Variants in PIK3C3 observed in about 807,000 individuals in gnomAD.
PIK3C3 encodes the protein PI3-kinase type 3.
A neutral mutation model predicts 126.1 loss-of-function variants in PIK3C3; 95 were observed. The observed-to-expected ratio is 0.75, with a 90% CI of 0.64 to 0.89. The LOEUF is 0.89. PIK3C3 is among the 40% of genes least tolerant of loss of function. The probability of loss-of-function intolerance (pLI) is 0.00; values close to 1 mark genes in which losing one functional copy is unlikely to be tolerated. For synonymous variants in PIK3C3, 374 were observed against 360.0 expected, an observed-to-expected ratio of 1.04 and a Z score of -0.44; for missense variants, 829 against 1,063.2, an observed-to-expected ratio of 0.78 and a Z score of 3.06.
rs558549651 is a variant in PIK3C3 at position 42,026,332 on chromosome 18, A to G, written c.1485-1111A>G. 4.6e-5 allele frequency: 7 copies of G among 151,528 alleles called. No homozygotes were observed. The South Asian group carries it at 1.5e-3, about 31-fold the overall frequency. 9.4% of individuals were successfully genotyped at this position (151,528 alleles called of 1,614,324 possible). A position where few individuals can be genotyped will look rare whatever the true frequency, so the allele number is the denominator to read the frequency against. On this transcript the variant is annotated intron_variant, in intron 13 of 24. Transcript: ENST00000262039. ...TAAAGTTTCACAGTCTAGCATTTGT[A>G]TTTAAAGAAAAATGAAATAAACAGA...
chr18:41,977,992 C>T (rs562880966), intron 4 of PIK3C3, among the ~76,000 whole-genome samples: 45 of 152,212 alleles, frequency 3.0e-4, no homozygotes, highest in Non-Finnish European at 4.1e-4. Flanking sequence ...GACAGGGTCT[C>T]GCCTTTTTTC....
At chr18:42,059,767 C>G (rs1228010007) in intron 22 of PIK3C3, 3 of 150,612 alleles carry the variant, frequency 2.0e-5, no homozygotes, top group African/African-American at 7.3e-5. Context: ...ATTATTTGAT[C>G]AACTTTTTTT....
chr18:42,069,852 T>C (rs924597213), intron 24 of PIK3C3, among the ~76,000 whole-genome samples: 1 of 152,214 alleles, frequency 6.6e-6, no homozygotes, highest in African/African-American at 2.4e-5. Flanking sequence ...CAGTAATCTA[T>C]AGCTACACAA....
intron 12 of PIK3C3, among the ~76,000 whole-genome samples, chr18:42,018,723 G>T (rs1481672788): frequency 6.6e-6 from 1 of 151,992 alleles, no homozygotes; most frequent in East Asian, 1.9e-4. Context: ...TTCAATGTTT[G>T]CTTTTCTCTG....
At chr18:41,984,282 T>C (rs1981356684) in intron 4 of PIK3C3, among the ~76,000 whole-genome samples, 1 of 152,100 alleles carries the variant, frequency 6.6e-6, no homozygotes, top group Non-Finnish European at 1.5e-5. Context: ...CTTTAGTATC[T>C]ATAGAAGTTC....
chr18:42,006,712 CATG>C (rs1259009901), intron 10 of PIK3C3, among the ~76,000 whole-genome samples: 3 of 152,016 alleles, frequency 2.0e-5, no homozygotes, highest in Non-Finnish European at 4.4e-5. Context: ...TAAATAACAG[CATG>C]ATATTTTACT....
chr18:41,991,914 A>G (rs647820), intron 6 of PIK3C3, among the ~76,000 whole-genome samples: 150,857 of 152,264 alleles, frequency 0.99, 74,731 homozygotes, highest in East Asian at 1. Context: ...TAATAAAATC[A>G]TATTTTACAT....
intron 10 of PIK3C3, among the ~76,000 whole-genome samples, chr18:42,013,224 C>A (rs1982913438): frequency 6.6e-6 from 1 of 151,250 alleles, no homozygotes; most frequent in African/African-American, 2.4e-5. Context: ...ATTTAACCCT[C>A]ATGCTCTTCT....
intron 21 of PIK3C3, among the ~76,000 whole-genome samples, chr18:42,054,988 A>G (rs1395298009): frequency 1.3e-5 from 2 of 151,932 alleles, no homozygotes; most frequent in Non-Finnish European, 2.9e-5. Context: ...AGAGAAGAAA[A>G]TAGTTAATAT....
At chr18:41,958,702 T>A (rs1979920757) in intron 2 of PIK3C3, among the ~76,000 whole-genome samples, 1 of 152,062 alleles carries the variant, frequency 6.6e-6, no homozygotes, top group African/African-American at 2.4e-5. Context: ...TGTGTGTATA[T>A]AGATATAGAT....
chr18:42,037,195 C>A (rs1984094613), intron 16 of PIK3C3, among the ~76,000 whole-genome samples: 1 of 152,166 alleles, frequency 6.6e-6, no homozygotes, highest in Non-Finnish European at 1.5e-5. Flanking sequence ...CAGGGCTCTT[C>A]ACTTTGCATC....
At chr18:42,042,169 T>A (rs749429825) in intron 19 of PIK3C3, among the ~76,000 whole-genome samples, 1 of 152,226 alleles carries the variant, frequency 6.6e-6, no homozygotes, top group Non-Finnish European at 1.5e-5. Flanking sequence ...TGATAAAACC[T>A]TGGGTTCTAA....
intron 10 of PIK3C3, among the ~76,000 whole-genome samples, chr18:42,012,982 T>G (rs1307833107): frequency 6.6e-6 from 1 of 152,138 alleles, no homozygotes; most frequent in Non-Finnish European, 1.5e-5. Context: ...ACAGAAGTGC[T>G]TTGAAAACTT....
chr18:41,978,375 G>A (rs950213287), intron 4 of PIK3C3, among the ~76,000 whole-genome samples: 3 of 152,200 alleles, frequency 2.0e-5, no homozygotes, highest in African/African-American at 7.2e-5. Flanking sequence ...CAAGGAGTGC[G>A]ATAATGGACC....
intron 16 of PIK3C3, among the ~76,000 whole-genome samples, chr18:42,036,294 C>T (rs548619087): frequency 3.1e-4 from 47 of 152,182 alleles, no homozygotes; most frequent in Non-Finnish European, 4.4e-4. Flanking sequence ...AGTAGACAAC[C>T]GTGTATCTAC....
At chr18:42,015,092 T>C (rs1274216945) in intron 11 of PIK3C3, among the ~76,000 whole-genome samples, 1 of 152,140 alleles carries the variant, frequency 6.6e-6, no homozygotes, top group Admixed American at 6.5e-5. Context: ...TTTTTAGTTC[T>C]TTTTTTAAGC....
At chr18:42,017,770 C>G (rs1481049468) in intron 12 of PIK3C3, among the ~76,000 whole-genome samples, 1 of 151,754 alleles carries the variant, frequency 6.6e-6, no homozygotes, top group African/African-American at 2.4e-5. Context: ...TATTTTGTTG[C>G]GTTTATCTTT....
chr18:41,978,249 T>C (rs1335710213), intron 4 of PIK3C3, among the ~76,000 whole-genome samples: 1 of 152,200 alleles, frequency 6.6e-6, no homozygotes, highest in African/African-American at 2.4e-5. Context: ...GCCACCATGC[T>C]GGACCTCTAG....
intron 3 of PIK3C3, among the ~76,000 whole-genome samples, chr18:41,967,251 G>A (rs1187357539): frequency 6.6e-6 from 1 of 151,968 alleles, no homozygotes; most frequent in Non-Finnish European, 1.5e-5. Context: ...TCCTTGCATG[G>A]TGCTGCCATC....
Sources: gnomAD v4.1 joint callset for allele counts (sites outside exome capture counted in the v4.1 genomes callset) on GRCh38, gnomAD v4.1.1 for gene constraint, MANE v1.5 for transcripts, NCBI Gene and HGNC (gene_info 2026-07-23, HGNC 2026-07-21) for gene names.